Variants in LRRC7 observed in about 807,000 individuals in gnomAD.
LRRC7 encodes leucine rich repeat containing 7.
LRRC7 carries 23 observed loss-of-function variants against 175.7 expected under a neutral mutation model. The observed-to-expected ratio is 0.13, with a 90% CI of 0.09 to 0.19. The LOEUF is 0.19. LRRC7 is among the 10% of genes least tolerant of loss of function. LRRC7 has a pLI of 1.00. For synonymous variants in LRRC7, 685 were observed against 680.9 expected (o/e 1.01, Z -0.09); for missense variants, 1,354 against 1,904.7 (o/e 0.71, Z 5.38).
At chr1:69,868,375 G>T (rs1236534860) in intron 7 of LRRC7, among the ~76,000 whole-genome samples, 2 of 151,882 alleles carry the variant, frequency 1.3e-5, no homozygotes, top group Admixed American at 6.6e-5. Context: ...TTTTCTATGT[G>T]CATTTCTTAA....
At chr1:69,884,831 T>G (rs6424600) in intron 7 of LRRC7, among the ~76,000 whole-genome samples, 66,107 of 126,382 alleles carry the variant, frequency 0.52, 18,102 homozygotes, top group East Asian at 0.66. Context: ...ATGAAGGGTT[T>G]TTGAATTTTG....
At chr1:69,973,005 C>CTA (rs1257180716) in intron 8 of LRRC7, among the ~76,000 whole-genome samples, 3 of 139,594 alleles carry the variant, frequency 2.1e-5, no homozygotes, top group African/African-American at 2.6e-5. Flanking sequence ...CTACTAGATA[C>CTA]TATATATATA....
chr1:69,820,687 G>C (rs1299043224), intron 4 of LRRC7, among the ~76,000 whole-genome samples: 1 of 152,106 alleles, frequency 6.6e-6, no homozygotes, highest in African/African-American at 2.4e-5. Context: ...CAAAGGACAT[G>C]AACTCATCCT....
intron 7 of LRRC7, among the ~76,000 whole-genome samples, chr1:69,917,240 A>T (rs1646747154): frequency 6.6e-6 from 1 of 152,158 alleles, no homozygotes; most frequent in African/African-American, 2.4e-5. Flanking sequence ...ATGTGTGCCA[A>T]ACTTGTGATC....
At chr1:70,008,272 A>G (rs1165790093) in intron 11 of LRRC7, among the ~76,000 whole-genome samples, 5 of 152,200 alleles carry the variant, frequency 3.3e-5, no homozygotes, top group Non-Finnish European at 7.4e-5. Flanking sequence ...TGTTCCCACC[A>G]GATTAAGGGT....
chr1:69,873,479 C>T (rs751197683), intron 7 of LRRC7: 1 of 533,098 alleles, frequency 1.9e-6, no homozygotes, highest in Non-Finnish European at 3.8e-6. Context: ...TCTGAAGATC[C>T]AGAGTGTGCC....
At chr1:69,693,453 G>A (rs1051446923) in intron 2 of LRRC7, among the ~76,000 whole-genome samples, 5 of 152,162 alleles carry the variant, frequency 3.3e-5, no homozygotes, top group African/African-American at 4.8e-5. Flanking sequence ...CTGCAGGATA[G>A]GCCGATAGGC....
At chr1:69,833,707 T>A (rs766367835) in intron 5 of LRRC7, among the ~76,000 whole-genome samples, 4 of 152,120 alleles carry the variant, frequency 2.6e-5, no homozygotes, top group South Asian at 2.1e-4. Context: ...TGATGGCAAC[T>A]GTTGCTAGGC....
intron 17 of LRRC7, among the ~76,000 whole-genome samples, chr1:70,024,357 A>C (rs1657859284): frequency 6.6e-6 from 1 of 151,526 alleles, no homozygotes; most frequent in Non-Finnish European, 1.5e-5. Context: ...TCATTTCTAA[A>C]TGCCCTAGCT....
In LRRC7 at chr1:70,076,097, G is replaced by A. The variant is rs200239282; in HGVS notation, c.4251G>A (p.Thr1417=). Residue 1417 remains threonine (T), a synonymous_variant, in exon 24 of 27, where the codon ACG becomes ACA. Coordinates refer to ENST00000651989, the MANE Select transcript of LRRC7 (RefSeq NM_001370785.2). ...ITKKAGSHIQ[T]LMGSQSLQHR... is the part of the protein sequence containing the mutation. The stretch of plus-strand genomic sequence containing the variant: ...CACAGGCAGGCAGCCACATCCAGAC[G>A]TTGATGGGGTCCCAAAGCCTTCAGC... The A allele has an allele frequency of 1.7e-4, 280 of 1,613,708 alleles. 1 individual carries two copies. Among genetic ancestry groups the A allele is most frequent in the Admixed American group, 9.7e-4 (58 of 60,008 alleles).
chr1:70,047,616 G>A (rs909680519), intron 22 of LRRC7, among the ~76,000 whole-genome samples: 2 of 151,918 alleles, frequency 1.3e-5, no homozygotes, highest in African/African-American at 4.8e-5. Flanking sequence ...AACAAAAAGG[G>A]AGCACTCTTC....
intron 7 of LRRC7, among the ~76,000 whole-genome samples, chr1:69,894,007 G>C (rs2101650452): frequency 6.6e-6 from 1 of 152,302 alleles, no homozygotes; most frequent in Non-Finnish European, 1.5e-5. Flanking sequence ...CAATAGAGCA[G>C]AGCCTATTCA....
intron 1 of LRRC7, among the ~76,000 whole-genome samples, chr1:69,574,786 A>T (rs1367656717): frequency 6.6e-6 from 1 of 152,170 alleles, no homozygotes; most frequent in Non-Finnish European, 1.5e-5. Context: ...TTGAGCACTC[A>T]TAAAATTAAA....
At chr1:70,080,634 G>A (rs973702020) in intron 24 of LRRC7, among the ~76,000 whole-genome samples, 18 of 152,168 alleles carry the variant, frequency 1.2e-4, no homozygotes, top group African/African-American at 3.1e-4. Context: ...ACTATAAAAT[G>A]TTACCCAGAT....
In LRRC7 at chr1:69,602,281, T is replaced by A. The variant is rs186298273; in HGVS notation, c.2+33640T>A. Among the ~76,000 whole-genome samples the A allele has an allele frequency of 2.0e-3, 309 of 152,286 alleles. 1 individual carries two copies. The highest frequency in any genetic ancestry group is 7.1e-3 in the African/African-American group (295 of 41,556). On this transcript the variant is annotated intron_variant, in intron 1 of 26. Coordinates refer to ENST00000651989, the MANE Select transcript of LRRC7 (RefSeq NM_001370785.2). ...TTACACTTCCATAGTCAACCGACGG[T>A]ATTAATGACAAAAGTAACATTCCTA...
rs544189800 is a variant in LRRC7, at chr1:70,053,824, A to G, written c.4230+679A>G. On this transcript the variant is annotated intron_variant, in intron 23 of 26. Transcript: ENST00000651989. ...TCTTACAAATCAGTAATGAAGACAT[A>G]CAACACAGTTTTTTAAACTGGTAAA... Among the ~76,000 whole-genome samples, 3 of 152,314 alleles carry G rather than the reference A, an allele frequency of 2.0e-5. No homozygotes were observed. In the East Asian group the frequency reaches 5.8e-4, roughly 29 times the overall value.
At chr1:69,684,771 G>T (rs11209519) in intron 2 of LRRC7, among the ~76,000 whole-genome samples, 110,147 of 152,048 alleles carry the variant, frequency 0.72, 40,232 homozygotes, top group South Asian at 0.8. Context: ...AAGCCTACTC[G>T]CTCAGTCCAG....
chr1:70,019,263 G>T (rs902005689), intron 15 of LRRC7, among the ~76,000 whole-genome samples: 1 of 151,916 alleles, frequency 6.6e-6, no homozygotes, highest in Non-Finnish European at 1.5e-5. Context: ...TTATTTCATG[G>T]TCTAAGTCAA....
rs533071362 is a variant in LRRC7 at position 69,743,577 on chromosome 1, C to T, written c.101-16614C>T. Among the ~76,000 whole-genome samples, 9 of 151,978 alleles carry T rather than the reference C, an allele frequency of 5.9e-5. No homozygotes were observed. The East Asian group carries it at 1.8e-3, about 30-fold the overall frequency. ...AGCATTGTTAAAAAAGGAGGAGCCA[C>T]ATTTAAAAATCGGACTTATTTGTGA... is the stretch of plus-strand genomic sequence containing the variant. On this transcript the variant is annotated intron_variant, in intron 2 of 26. Coordinates refer to ENST00000651989, the MANE Select transcript of LRRC7 (RefSeq NM_001370785.2).
Sources: gnomAD v4.1 joint callset for allele counts (sites outside exome capture counted in the v4.1 genomes callset) on GRCh38, gnomAD v4.1.1 for gene constraint, MANE v1.5 for transcripts, NCBI Gene and HGNC (gene_info 2026-07-23, HGNC 2026-07-21) for gene names.